The following COMMD1 variants were observed in gnomAD, a reference collection of about 807,000 sequenced individuals.
COMMD1 encodes COMM domain-containing protein 1.
In COMMD1, 10 loss-of-function variants were observed where a neutral mutation model predicts 17.2. The observed-to-expected ratio is 0.58, with a 90% CI of 0.36 to 0.99. The LOEUF (loss-of-function observed/expected upper bound fraction) is 0.99, where lower values mean the gene tolerates loss of function less well. Among genes scored for constraint, COMMD1 ranks in the 50% least tolerant of loss-of-function variants. COMMD1 has a pLI of 0.01. For missense variants in COMMD1, 270 were observed against 231.8 expected (o/e 1.17, Z -1.07); for synonymous variants, 97 against 91.6 (o/e 1.06, Z -0.34).
intron 2 of COMMD1, among the ~76,000 whole-genome samples, chr2:62,008,529 A>G (rs545159340): frequency 5.9e-5 from 9 of 152,216 alleles, no homozygotes; most frequent in Non-Finnish European, 1.3e-4. Context: ...CTTACTCCAA[A>G]TAGCTACCGA....
intron 2 of COMMD1, among the ~76,000 whole-genome samples, chr2:62,102,903 G>T (rs1672225237): frequency 6.6e-6 from 1 of 152,038 alleles, no homozygotes; most frequent in Admixed American, 6.6e-5. Context: ...GGCCTTGCTG[G>T]GTTTCTCCAC....
At chr2:61,969,983 A>G (rs890544698) in intron 1 of COMMD1, among the ~76,000 whole-genome samples, 2 of 152,138 alleles carry the variant, frequency 1.3e-5, no homozygotes, top group Admixed American at 6.5e-5. Flanking sequence ...AGCGCTGGGC[A>G]CAGTGGCTCA....
intron 1 of COMMD1, among the ~76,000 whole-genome samples, chr2:61,890,247 G>A (rs934694009): frequency 6.6e-6 from 1 of 152,148 alleles, no homozygotes; most frequent in African/African-American, 2.4e-5. Flanking sequence ...TTGAGACGGA[G>A]TTTCACTCTT....
At chr2:62,078,605 A>T (rs1671422224) in intron 2 of COMMD1, among the ~76,000 whole-genome samples, 1 of 150,102 alleles carries the variant, frequency 6.7e-6, no homozygotes, top group Admixed American at 6.7e-5. Context: ...ACGGTGGCTC[A>T]TGCTTGTAAT....
At chr2:62,107,282 G>C (rs139302176) in intron 2 of COMMD1, among the ~76,000 whole-genome samples, 134 of 152,302 alleles carry the variant, frequency 8.8e-4, no homozygotes, top group Non-Finnish European at 1.6e-3. Context: ...AGGTAATGGT[G>C]AGGGTCACTA....
At chr2:62,086,226 G>A (rs1157278052) in intron 2 of COMMD1, among the ~76,000 whole-genome samples, 1 of 151,804 alleles carries the variant, frequency 6.6e-6, no homozygotes, top group Non-Finnish European at 1.5e-5. Context: ...TTTCTCTTCT[G>A]TGGCCGGGCG....
intron 1 of COMMD1, among the ~76,000 whole-genome samples, chr2:61,919,748 C>A (rs182433245): frequency 6.6e-6 from 1 of 152,220 alleles, no homozygotes; most frequent in African/African-American, 2.4e-5. Flanking sequence ...TAGCACATAA[C>A]TAAATAAATT....
intron 1 of COMMD1, among the ~76,000 whole-genome samples, chr2:61,974,950 C>A (rs866020562): frequency 6.6e-6 from 1 of 151,934 alleles, no homozygotes; most frequent in Non-Finnish European, 1.5e-5. Flanking sequence ...CTTCCTGAAC[C>A]CCTGGCAATC....
chr2:62,117,757 G>C (rs768935590), intron 2 of COMMD1, among the ~76,000 whole-genome samples: 94 of 152,266 alleles, frequency 6.2e-4, no homozygotes, highest in Non-Finnish European at 9.3e-4. Context: ...ATTTGCTAAA[G>C]TGTTCCGATT....
chr2:62,129,575 T>C (rs767642553), intron 2 of COMMD1, among the ~76,000 whole-genome samples: 81 of 152,208 alleles, frequency 5.3e-4, no homozygotes, highest in Non-Finnish European at 1.0e-3. Flanking sequence ...GAATGAGTGG[T>C]GAACACAGGT....
chr2:61,929,150 C>G (rs1230600914), intron 1 of COMMD1, among the ~76,000 whole-genome samples: 6 of 152,170 alleles, frequency 3.9e-5, no homozygotes, highest in Non-Finnish European at 1.5e-5. Context: ...ATTACATGTC[C>G]GAGATAACTG....
chr2:61,957,936 A>C (rs777838759), intron 1 of COMMD1, among the ~76,000 whole-genome samples: 1 of 152,208 alleles, frequency 6.6e-6, no homozygotes, highest in African/African-American at 2.4e-5. Flanking sequence ...CAGTGTGCTT[A>C]GTACTATTGC....
upstream of COMMD1, among the ~76,000 whole-genome samples, chr2:61,903,176 G>T (rs1470046492): frequency 1.3e-5 from 2 of 152,096 alleles, no homozygotes; most frequent in Non-Finnish European, 2.9e-5. Context: ...AGGTACAGTG[G>T]CTCACACCTG....
intron 2 of COMMD1, among the ~76,000 whole-genome samples, chr2:62,027,384 G>A (rs1669787645): frequency 6.6e-6 from 1 of 152,120 alleles, no homozygotes; most frequent in South Asian, 2.1e-4. Context: ...TACAGCATAG[G>A]TAATTATTCT....
chr2:61,963,657 A>G (rs1671428190), intron 1 of COMMD1, among the ~76,000 whole-genome samples: 2 of 152,294 alleles, frequency 1.3e-5, no homozygotes, highest in South Asian at 4.1e-4. Flanking sequence ...CCAGTTGTTT[A>G]GAAGTGAAGG....
intron 1 of COMMD1, among the ~76,000 whole-genome samples, chr2:61,914,829 T>A (rs896214571): frequency 1.3e-5 from 2 of 151,544 alleles, no homozygotes; most frequent in African/African-American, 4.8e-5. Flanking sequence ...TGGCTGGGAT[T>A]ACAGGTGTGT....
intron 2 of COMMD1, among the ~76,000 whole-genome samples, chr2:62,113,229 G>A (rs1672502005): frequency 6.6e-6 from 1 of 151,972 alleles, no homozygotes; most frequent in African/African-American, 2.4e-5. Context: ...GTGAGTGCCT[G>A]TAGTACTAGC....
At chr2:62,060,944 T>C (rs1300641316) in intron 2 of COMMD1, among the ~76,000 whole-genome samples, 1 of 152,168 alleles carries the variant, frequency 6.6e-6, no homozygotes, top group Non-Finnish European at 1.5e-5. Flanking sequence ...TTTCTTTCCA[T>C]TTATCTTTTA....
intron 1 of COMMD1, among the ~76,000 whole-genome samples, chr2:61,952,595 A>G (rs555257395): frequency 1.3e-5 from 2 of 152,234 alleles, no homozygotes; most frequent in African/African-American, 4.8e-5. Flanking sequence ...AGTCAGCAGC[A>G]CTCATTCTCC....
Sources: gnomAD v4.1 joint callset for allele counts (sites outside exome capture counted in the v4.1 genomes callset) on GRCh38, gnomAD v4.1.1 for gene constraint, MANE v1.5 for transcripts, NCBI Gene and HGNC (gene_info 2026-07-23, HGNC 2026-07-21) for gene names.